The following ADAMTS19 variants were observed in gnomAD, a reference collection of about 807,000 sequenced individuals.
ADAMTS19 encodes A disintegrin and metalloproteinase with thrombospondin motifs 19.
Under a neutral mutation model 153.3 loss-of-function variants are expected in ADAMTS19, and 93 were observed. That is an observed-to-expected ratio of 0.61 (90% confidence interval 0.51 to 0.72). The LOEUF (loss-of-function observed/expected upper bound fraction) is 0.72, where lower values mean the gene tolerates loss of function less well. Among genes scored for constraint, ADAMTS19 ranks in the 30% least tolerant of loss-of-function variants. ADAMTS19 has a pLI of 0.00. For missense variants in ADAMTS19, 1,482 were observed against 1,552.1 expected (o/e 0.95, Z 0.76); for synonymous variants, 600 against 556.6 (o/e 1.08, Z -1.10).
chr5:129,676,851 A>G (rs557054440), intron 16 of ADAMTS19, among the ~76,000 whole-genome samples: 8 of 152,330 alleles, frequency 5.3e-5, no homozygotes, highest in Non-Finnish European at 1.2e-4. Flanking sequence ...CATTTTCTGG[A>G]GAATGCTGAA....
chr5:129,640,220 T>C (rs1752732179), intron 10 of ADAMTS19, among the ~76,000 whole-genome samples: 1 of 152,180 alleles, frequency 6.6e-6, no homozygotes, highest in Non-Finnish European at 1.5e-5. Context: ...TGTCATTTCT[T>C]TGTGTTAGGA....
intron 21 of ADAMTS19, among the ~76,000 whole-genome samples, chr5:129,723,855 C>T (rs954026819): frequency 7.9e-5 from 12 of 152,260 alleles, no homozygotes; most frequent in Middle Eastern, 3.4e-3. Context: ...AGACACCAAT[C>T]AATACATGTA....
chr5:129,684,256 A>T lies in ADAMTS19; in HGVS notation c.2801A>T (p.Asp934Val). 2 of 1,614,116 alleles carry T rather than the reference A, an allele frequency of 1.2e-6. No individual in the cohort carries two copies. Among genetic ancestry groups the T allele is most frequent in the Non-Finnish European group, 8.5e-7 (1 of 1,180,010 alleles). Residue 934 changes from aspartate (D) to valine (V), a missense_variant, in exon 18 of 23, where the codon GAT becomes GTT. This residue lies in a region of ADAMTS19 where 616 missense variants were observed against 724.4 expected (regional missense o/e 0.85). Coordinates refer to ENST00000274487, the MANE Select transcript of ADAMTS19 (RefSeq NM_133638.6). ...MWTHTSWEDC[D>V]ATCGGGERKT... is the part of the protein sequence containing the mutation. ...ACACACACAAGCTGGGAAGATTGCG[A>T]TGCCACTTGTGGAGGAGGTGAAGGA...
chr5:129,475,003 T>C (rs1021266519), intron 2 of ADAMTS19, among the ~76,000 whole-genome samples: 20 of 152,160 alleles, frequency 1.3e-4, no homozygotes. Flanking sequence ...ATCAGACAAG[T>C]GATTTGCTAA....
chr5:129,568,325 T>C (rs1199316892), intron 7 of ADAMTS19, among the ~76,000 whole-genome samples: 1 of 151,638 alleles, frequency 6.6e-6, no homozygotes, highest in Non-Finnish European at 1.5e-5. Context: ...CCATGATGTA[T>C]AGTAGATTTA....
intron 3 of ADAMTS19, among the ~76,000 whole-genome samples, chr5:129,513,082 A>G (rs1000899099): frequency 7.9e-5 from 12 of 151,950 alleles, no homozygotes; most frequent in African/African-American, 2.4e-4. Context: ...CTCAGATTTA[A>G]TAACTCTGAA....
intron 16 of ADAMTS19, among the ~76,000 whole-genome samples, chr5:129,675,858 G>C (rs754884352): frequency 6.6e-6 from 1 of 151,880 alleles, no homozygotes; most frequent in Middle Eastern, 3.2e-3. Context: ...GTAATACCTC[G>C]TCTCTACTAA....
intron 2 of ADAMTS19, among the ~76,000 whole-genome samples, chr5:129,472,362 C>T (rs777294706): frequency 1.2e-4 from 19 of 152,208 alleles, no homozygotes; most frequent in Non-Finnish European, 8.8e-5. Flanking sequence ...ATCCACTAAA[C>T]TTCATACCCT....
intron 7 of ADAMTS19, among the ~76,000 whole-genome samples, chr5:129,590,159 T>A (rs1561588422): frequency 6.6e-6 from 1 of 152,184 alleles, no homozygotes; most frequent in Non-Finnish European, 1.5e-5. Flanking sequence ...GTACCTGTAC[T>A]CACAGACATT....
At chr5:129,705,076 A>G (rs1756080363) in intron 21 of ADAMTS19, among the ~76,000 whole-genome samples, 1 of 152,192 alleles carries the variant, frequency 6.6e-6, no homozygotes, top group African/African-American at 2.4e-5. Flanking sequence ...TGGGGTGAAA[A>G]TAGATCTCAC....
intron 7 of ADAMTS19, among the ~76,000 whole-genome samples, chr5:129,572,511 A>G (rs1753946364): frequency 6.6e-6 from 1 of 152,010 alleles, no homozygotes; most frequent in Non-Finnish European, 1.5e-5. Context: ...AAAATTTAGG[A>G]ACAGTCCAAA....
intron 6 of ADAMTS19, among the ~76,000 whole-genome samples, chr5:129,550,088 C>A (rs1208689511): frequency 1.4e-3 from 99 of 70,014 alleles, no homozygotes; most frequent in Non-Finnish European, 1.8e-3. Flanking sequence ...ATACATGTAT[C>A]TGTATATGTA....
intron 7 of ADAMTS19, among the ~76,000 whole-genome samples, chr5:129,574,124 TAAAG>T (rs757014163): frequency 2.9e-4 from 44 of 152,034 alleles, no homozygotes; most frequent in Non-Finnish European, 4.7e-4. Flanking sequence ...ATTTTACAAA[TAAAG>T]AAAGCCACAG....
chr5:129,677,539 CCATTT>C (rs1754605968), intron 16 of ADAMTS19, among the ~76,000 whole-genome samples: 1 of 152,030 alleles, frequency 6.6e-6, no homozygotes, highest in South Asian at 2.1e-4. Context: ...ACAGTTTTTA[CCATTT>C]CATTATTTGC....
intron 21 of ADAMTS19, among the ~76,000 whole-genome samples, chr5:129,721,750 TCCCCTTCTCCAC>T: frequency 6.6e-6 from 1 of 152,188 alleles, no homozygotes; most frequent in Non-Finnish European, 1.5e-5. Flanking sequence ...ATGCTCTCCC[TCCCCTTCTCCAC>T]CCCCAACAGG....
rs1338039924 is a variant in ADAMTS19, at chr5:129,698,077, A to G, written c.2954+3222A>G. On this transcript the variant is annotated intron_variant, in intron 19 of 22. Coordinates refer to ENST00000274487, the MANE Select transcript of ADAMTS19 (RefSeq NM_133638.6). ...AACTATCTTGGAGAAAAACGTCTCA[A>G]TAATGACTTGGTAAAATGACTAGTT... 7.9e-5 allele frequency among the ~76,000 whole-genome samples: 12 copies of G among 152,350 alleles called. No homozygotes were observed. The East Asian group carries it at 2.1e-3, about 27-fold the overall frequency.
intron 6 of ADAMTS19, 36 bp downstream of exon 6, chr5:129,528,713 A>G (rs751267596): frequency 6.5e-7 from 1 of 1,528,862 alleles, no homozygotes; most frequent in Non-Finnish European, 8.9e-7. Flanking sequence ...GGCATTCCTA[A>G]TTCAATCACT....
chr5:129,499,606 G>A (rs1348009320), intron 2 of ADAMTS19, among the ~76,000 whole-genome samples: 2 of 152,094 alleles, frequency 1.3e-5, no homozygotes, highest in Admixed American at 1.3e-4. Context: ...GAGTGAACTT[G>A]TTCCTGTGTA....
intron 7 of ADAMTS19, among the ~76,000 whole-genome samples, chr5:129,556,770 G>A (rs147674331): frequency 6.6e-6 from 1 of 152,192 alleles, no homozygotes; most frequent in East Asian, 1.9e-4. Flanking sequence ...AAGAATGAGG[G>A]GGTTACTAGT....
Sources: gnomAD v4.1 joint callset for allele counts (sites outside exome capture counted in the v4.1 genomes callset) on GRCh38, gnomAD v4.1.1 for gene constraint, gnomAD v4.1.1 regional missense constraint, MANE v1.5 for transcripts, NCBI Gene and HGNC (gene_info 2026-07-23, HGNC 2026-07-21) for gene names.